Variants in FDCSP observed in about 807,000 individuals in gnomAD.
FDCSP encodes the protein follicular dendritic cell secreted protein, also known as follicular dendritic cell secreted peptide.
Under a neutral mutation model 8.9 loss-of-function variants are expected in FDCSP, and 8 were observed. That is an observed-to-expected ratio of 0.90 (90% CI 0.53 to 1.63). FDCSP has a LOEUF of 1.63. Among genes scored for constraint, FDCSP ranks in the 40% most tolerant of loss-of-function variants. The probability of loss-of-function intolerance (pLI) is 0.00; values close to 1 mark genes in which losing one functional copy is unlikely to be tolerated. For missense variants in FDCSP, 101 were observed against 103.6 expected (o/e 0.98, Z 0.11); for synonymous variants, 34 against 34.5 (o/e 0.98, Z 0.06).
chr4:70,231,376 G>T, intron 2 of FDCSP, 125 bp downstream of exon 2: 2 of 690,482 alleles, frequency 2.9e-6, no homozygotes, highest in Non-Finnish European at 2.3e-6. Context: ...CAAGTGCAGT[G>T]GCTTACGCCT....
chr4:70,229,946 T>A (rs1730052233), intron 1 of FDCSP, among the ~76,000 whole-genome samples: 1 of 151,644 alleles, frequency 6.6e-6, no homozygotes, highest in Non-Finnish European at 1.5e-5. Context: ...GCAGTGAGCA[T>A]GTGCTGTTGG....
At chr4:70,229,283 G>T (rs138269368) in intron 1 of FDCSP, among the ~76,000 whole-genome samples, 1 of 151,642 alleles carries the variant, frequency 6.6e-6, no homozygotes, top group Non-Finnish European at 1.5e-5. Flanking sequence ...GAGCATAGGG[G>T]CCTTCTTCTA....
chr4:70,233,957 G>A, intron 3 of FDCSP, 63 bp from the exon 4 acceptor site: 1 of 1,462,876 alleles, frequency 6.8e-7, no homozygotes, highest in East Asian at 2.3e-5. Flanking sequence ...AAAAAGCAAA[G>A]CTGTTTTATT....
chr4:70,232,381 A>G (rs1331325930), intron 2 of FDCSP, among the ~76,000 whole-genome samples: 2 of 151,662 alleles, frequency 1.3e-5, no homozygotes, highest in Admixed American at 6.6e-5. Context: ...TAGATATACA[A>G]ATACTTACCA....
At chr4:70,231,396 GTAATTTGGGAGGT>G (rs1296893738) in intron 2 of FDCSP, 145 bp downstream of exon 2, 1 of 556,558 alleles carries the variant, frequency 1.8e-6, no homozygotes, top group East Asian at 3.3e-5. Context: ...TGTATTCCCT[GTAATTTGGGAGGT>G]CAAGGCAGGA....
At chr4:70,226,799 G>GTTTCT (rs1729994443) in intron 1 of FDCSP, among the ~76,000 whole-genome samples, 2 of 151,474 alleles carry the variant, frequency 1.3e-5, no homozygotes, top group African/African-American at 4.8e-5. Flanking sequence ...GACTTGATAA[G>GTTTCT]TATAAAAATA....
chr4:70,234,068 C>G lies in FDCSP; in HGVS notation c.139C>G (p.Pro47Ala). The G allele has an allele frequency of 6.2e-7, 1 of 1,610,668 alleles. No individual in the cohort carries two copies. ...TTCAGGGTTTTTTGTGTTCCCTTAC[C>G]CATATCCATTTCGCCCACTTCCACC... is the stretch of plus-strand genomic sequence containing the variant. The part of the protein sequence containing the change: ...LASGFFVFPY[P>A]YPFRPLPPIP... The change falls in exon 4 of 5, where the codon CCA (proline) becomes GCA (alanine). Residue 47 changes from proline (P) to alanine (A), a missense_variant. Transcript: ENST00000317987.
chr4:70,235,032 C>T (rs1332468490), intron 4 of FDCSP, 53 bp from the exon 5 acceptor site: 1 of 151,440 alleles, frequency 6.6e-6, no homozygotes, highest in Non-Finnish European at 1.5e-5. Flanking sequence ...GTATATGTTT[C>T]CAAGAAAATG....
intron 1 of FDCSP, among the ~76,000 whole-genome samples, chr4:70,230,743 T>G (rs1730066569): frequency 6.6e-6 from 1 of 151,722 alleles, no homozygotes; most frequent in African/African-American, 2.4e-5. Flanking sequence ...AATGTTGAAC[T>G]CTCTGAGATC....
chr4:70,231,271 T>A lies in FDCSP; in HGVS notation c.57+20T>A. The stretch of plus-strand genomic sequence containing the variant: ...TTCCCAGTAAGTATCCACGTATACA[T>A]TCCAAAATATTTATGTATGGCCATG... On this transcript the variant is annotated intron_variant, in intron 2 of 4. Coordinates refer to ENST00000317987, the MANE Select transcript of FDCSP (RefSeq NM_152997.4). The A allele has an allele frequency of 6.3e-7, 1 of 1,579,480 alleles. No homozygotes were observed. The highest frequency in any genetic ancestry group is 8.6e-7 in the Non-Finnish European group (1 of 1,159,116).
At chr4:70,227,914 T>C (rs1387322474) in intron 1 of FDCSP, among the ~76,000 whole-genome samples, 1 of 151,848 alleles carries the variant, frequency 6.6e-6, no homozygotes, top group Non-Finnish European at 1.5e-5. Context: ...TGAGTCATAA[T>C]CTTTTTGCTG....
chr4:70,231,668 G>C (rs991547224), intron 2 of FDCSP, among the ~76,000 whole-genome samples: 1 of 151,598 alleles, frequency 6.6e-6, no homozygotes, highest in Non-Finnish European at 1.5e-5. Flanking sequence ...CTATGTTACT[G>C]GTTTGTGTAT....
chr4:70,228,720 C>T (rs1278934431), intron 1 of FDCSP, among the ~76,000 whole-genome samples: 1 of 151,790 alleles, frequency 6.6e-6, no homozygotes, highest in Non-Finnish European at 1.5e-5. Flanking sequence ...AAACAACATT[C>T]ATCTCTTTGT....
At chr4:70,227,511 G>T (rs1209234476) in intron 1 of FDCSP, among the ~76,000 whole-genome samples, 8 of 151,370 alleles carry the variant, frequency 5.3e-5, no homozygotes, top group Non-Finnish European at 1.2e-4. Context: ...CTATCTCAAA[G>T]GTACTTCAAA....
chr4:70,233,886 G>C, intron 3 of FDCSP, 134 bp from the exon 4 acceptor site: 1 of 758,154 alleles, frequency 1.3e-6, no homozygotes, highest in South Asian at 2.1e-5. Flanking sequence ...AGTACACACA[G>C]AAAGGATAAA....
rs533149772 is a variant in FDCSP, at chr4:70,233,897, G to C, written c.91-123G>C. On this transcript the variant is annotated intron_variant, in intron 3 of 4. Transcript: ENST00000317987. ...CCATAGTACACACAGAAAGGATAAA[G>C]GATTTTAGAGCTTCTAAAGCCTCTT... The C allele has an allele frequency of 1.3e-5, 11 of 847,228 alleles. No homozygotes were observed. In the South Asian group the frequency reaches 1.9e-4, roughly 15 times the overall value. 52.5% of individuals were successfully genotyped at this position (847,228 alleles called of 1,614,324 possible). A position where few individuals can be genotyped will look rare whatever the true frequency, so the allele number is the denominator to read the frequency against.
At chr4:70,234,847 T>C (rs1730149544) in intron 4 of FDCSP, among the ~76,000 whole-genome samples, 1 of 150,600 alleles carries the variant, frequency 6.6e-6, no homozygotes, top group Non-Finnish European at 1.5e-5. Flanking sequence ...ATATATAATT[T>C]AATCTTATCT....
intron 2 of FDCSP, 72 bp from the exon 3 acceptor site, chr4:70,232,922 A>T: frequency 1.7e-6 from 2 of 1,186,804 alleles, no homozygotes; most frequent in Non-Finnish European, 2.4e-6. Context: ...ATAGATTGTC[A>T]TGCATATGTA....
chr4:70,227,785 A>T (rs564181267), intron 1 of FDCSP, among the ~76,000 whole-genome samples: 2 of 151,894 alleles, frequency 1.3e-5, no homozygotes, highest in South Asian at 4.2e-4. Flanking sequence ...AAAAGTTATG[A>T]TTACACTACA....
Sources: gnomAD v4.1 joint callset for allele counts (sites outside exome capture counted in the v4.1 genomes callset) on GRCh38, gnomAD v4.1.1 for gene constraint, MANE v1.5 for transcripts, NCBI Gene and HGNC (gene_info 2026-07-23, HGNC 2026-07-21) for gene names.